The following ABHD13 variants were observed in gnomAD, a reference collection of about 807,000 sequenced individuals.
The protein encoded by ABHD13 is abhydrolase domain containing 13, also known as protein ABHD13.
A neutral mutation model predicts 25.2 loss-of-function variants in ABHD13; 7 were observed. The ratio of observed to expected loss-of-function variants is 0.28; its 90% CI spans 0.16 to 0.52. The LOEUF (loss-of-function observed/expected upper bound fraction) is 0.52. ABHD13 is among the 20% of genes least tolerant of loss of function. The probability of loss-of-function intolerance (pLI) is 0.96; values close to 1 mark genes in which losing one functional copy is unlikely to be tolerated. For synonymous variants in ABHD13, 133 were observed against 136.1 expected, an observed-to-expected ratio of 0.98 and a Z score of 0.16; for missense variants, 302 against 402.7, an observed-to-expected ratio of 0.75 and a Z score of 2.14.
At position 108,233,563 on chromosome 13, in the gene ABHD13, C is replaced by CA. The variant is rs1879855522; in HGVS notation, c.*3332dup. ...AAAAACTGTGAGAGGAAAAATTAGT[C>CA]ATAACCCTTTTGGGTTATCCACTTA... is the stretch of plus-strand genomic sequence containing the variant. On this transcript the variant is annotated 3_prime_UTR_variant, in exon 2 of 2. Transcript: ENST00000375898. 1 of 166,618 alleles carries CA rather than the reference C, an allele frequency of 6.0e-6. No individual in the cohort carries two copies. The highest frequency in any genetic ancestry group is 2.4e-5 in the African/African-American group (1 of 41,376). 10.3% of individuals were successfully genotyped at this position (166,618 alleles called of 1,614,324 possible).
chr13:108,223,023 T>C (rs141039327), intron 1 of ABHD13, among the ~76,000 whole-genome samples: 94 of 152,384 alleles, frequency 6.2e-4, no homozygotes, highest in African/African-American at 2.2e-3. Flanking sequence ...AGGTCAGTTA[T>C]ATTGTGCCAT....
At chr13:108,219,338 A>G (rs1259513691) in intron 1 of ABHD13, among the ~76,000 whole-genome samples, 1 of 152,200 alleles carries the variant, frequency 6.6e-6, no homozygotes, top group East Asian at 1.9e-4. Flanking sequence ...AACCAAAAAA[A>G]AGTCCGTCCC....
rs538485431 is a variant in ABHD13, at chr13:108,231,820, C to T, written c.*1588C>T. On this transcript the variant is annotated 3_prime_UTR_variant, in exon 2 of 2. Coordinates refer to ENST00000375898, the MANE Select transcript of ABHD13 (RefSeq NM_032859.3). ...AATAGCATTCTTATTCACTTTATGCCGGTATTTAGAAAAAATAAATTATAG... is the reference window on the plus strand; with the variant it reads ...AATAGCATTCTTATTCACTTTATGCTGGTATTTAGAAAAAATAAATTATAG... 7.2e-5 allele frequency: 12 copies of T among 166,444 alleles called. No individual in the cohort carries two copies. Among genetic ancestry groups the T allele is most frequent in the East Asian group, 5.8e-4 (3 of 5,156 alleles). 10.3% of individuals were successfully genotyped at this position (166,444 alleles called of 1,614,324 possible).
chr13:108,230,454 G>T lies in ABHD13; in HGVS notation c.*222G>T. 2.1e-6 allele frequency: 1 copy of T among 466,402 alleles called. No homozygotes were observed. Among genetic ancestry groups the T allele is most frequent in the Non-Finnish European group, 3.9e-6 (1 of 253,962 alleles). 28.9% of individuals were successfully genotyped at this position (466,402 alleles called of 1,614,324 possible). On this transcript the variant is annotated 3_prime_UTR_variant, in exon 2 of 2. Transcript: ENST00000375898. ...TCATCAAAACTTTCAGTGTGATTAT[G>T]TATTCATATCTTCAGTTTAATATGT... is the stretch of plus-strand genomic sequence containing the variant.
rs78222662 is a variant in ABHD13 at position 108,224,570 on chromosome 13, C to T, written c.-20-4629C>T. On this transcript the variant is annotated intron_variant, in intron 1 of 1. Transcript: ENST00000375898. Reference sequence around the variant, plus strand: ...AACCATTCGTGATCCTATATGAACACAGGAGATGATTAGTAGACATCAGAG... The same window carrying T: ...AACCATTCGTGATCCTATATGAACATAGGAGATGATTAGTAGACATCAGAG... Among the ~76,000 whole-genome samples, 511 of 152,232 alleles carry T rather than the reference C, an allele frequency of 3.4e-3. 1 individual carries two copies. The highest frequency in any genetic ancestry group is 0.012 in the African/African-American group (496 of 41,532).
Position 108,229,216 on chromosome 13 carries a change from A to G in ABHD13, c.-3A>G, listed in dbSNP as rs1393150791. 4.5e-6 allele frequency: 7 copies of G among 1,539,322 alleles called. No individual in the cohort carries two copies. The highest frequency in any genetic ancestry group is 2.6e-5 in the South Asian group (2 of 75,540). On this transcript the variant is annotated 5_prime_UTR_variant, in exon 2 of 2. Coordinates refer to ENST00000375898, the MANE Select transcript of ABHD13 (RefSeq NM_032859.3). The surrounding 1 kb of genome is among the most constrained non-coding windows in gnomAD (Gnocchi z 4.7). ...CTCTCTAGGATACTTACAGAGAGCT[A>G]CAATGGAAAAGTCCTGGATGCTGTG...
At chr13:108,221,271 A>C (rs1879562455) in intron 1 of ABHD13, among the ~76,000 whole-genome samples, 2 of 152,232 alleles carry the variant, frequency 1.3e-5, no homozygotes, top group African/African-American at 4.8e-5. Flanking sequence ...GGAAATAGAT[A>C]ATTCATTCTG....
chr13:108,231,148 A>C lies in ABHD13; in HGVS notation c.*916A>C, dbSNP rs1291466659. ...AAATTAGGAAGTCTTTTATCATTGCAGGATTGTACATACTACTTTATAAAA... is the reference window on the plus strand; with the variant it reads ...AAATTAGGAAGTCTTTTATCATTGCCGGATTGTACATACTACTTTATAAAA... On this transcript the variant is annotated 3_prime_UTR_variant, in exon 2 of 2. Transcript: ENST00000375898. 1 of 166,688 alleles carries C rather than the reference A, an allele frequency of 6.0e-6. No individual in the cohort carries two copies. Among genetic ancestry groups the C allele is most frequent in the East Asian group, 1.9e-4 (1 of 5,198 alleles). The allele number at this position is 166,688 out of a possible 1,614,324, so 10.3% of individuals were successfully genotyped here. A position where few individuals can be genotyped will look rare whatever the true frequency, so the allele number is the denominator to read the frequency against.
Position 108,229,313 on chromosome 13 carries a change from C to T in ABHD13, c.95C>T (p.Pro32Leu), listed in dbSNP as rs1259799309. The T allele has an allele frequency of 3.1e-6, 5 of 1,611,974 alleles. No homozygotes were observed. Among genetic ancestry groups the T allele is most frequent in the South Asian group, 1.1e-5 (1 of 90,832 alleles). Residue 32 changes from proline to leucine, a missense_variant, in exon 2 of 2, where the codon CCT (proline) becomes CTT (leucine). Coordinates refer to ENST00000375898, the MANE Select transcript of ABHD13 (RefSeq NM_032859.3). This position sits in a 1 kb window ranked among gnomAD's most constrained non-coding sequence, Gnocchi z 4.7. Reference protein sequence around the residue: ...SWALCRISLLPLIVTFHLYGG... With the variant: ...SWALCRISLLLLIVTFHLYGG... ...GCTCTCTGCCGTATTTCTCTTTTAC[C>T]TTTAATAGTGACTTTTCATCTGTAT... is the stretch of plus-strand genomic sequence containing the variant.
chr13:108,230,041 AT>A lies in ABHD13; in HGVS notation c.824del (p.Met275ArgfsTer2), dbSNP rs1370987018. On this transcript the variant is annotated frameshift_variant, in exon 2 of 2. Transcript: ENST00000375898. LOFTEE classifies it high-confidence loss of function. Reference sequence around the variant, plus strand: ...CTCAGATCAATTAATTCCACCAGTAATGATGAAACAACTTTATGAACTCTCC... The same window carrying A: ...CTCAGATCAATTAATTCCACCAGTAAGATGAAACAACTTTATGAACTCTCC... ...GLSDQLIPPV[M>X]MKQLYELSPS... 1 of 1,613,088 alleles carries A rather than the reference AT, an allele frequency of 6.2e-7. No individual in the cohort carries two copies. The highest frequency in any genetic ancestry group is 8.5e-7 in the Non-Finnish European group (1 of 1,179,384).
At chr13:108,225,225 G>C (rs1371566428) in intron 1 of ABHD13, among the ~76,000 whole-genome samples, 1 of 152,164 alleles carries the variant, frequency 6.6e-6, no homozygotes, top group Non-Finnish European at 1.5e-5. Context: ...GATGTGTTTA[G>C]TTTTGGATAA....
At chr13:108,226,589 C>G (rs1462159280) in intron 1 of ABHD13, among the ~76,000 whole-genome samples, 1 of 152,128 alleles carries the variant, frequency 6.6e-6, no homozygotes, top group Non-Finnish European at 1.5e-5. Flanking sequence ...TAACCGTTTA[C>G]TCACACTAAT....
Position 108,229,979 on chromosome 13 carries a change from C to CT in ABHD13, c.762dup (p.Gln255SerfsTer3). ...AAATTTTTGTCCTACAGAAAAATCT[C>CT]TCAGTGTAGAATGCCTTCACTTTTC... On this transcript the variant is annotated frameshift_variant, in exon 2 of 2. Coordinates refer to ENST00000375898, the MANE Select transcript of ABHD13 (RefSeq NM_032859.3). LOFTEE classifies it high-confidence loss of function. The surrounding 1 kb of genome is among the most constrained non-coding windows in gnomAD (Gnocchi z 4.7). The CT allele has an allele frequency of 6.2e-7, 1 of 1,613,240 alleles. No homozygotes were observed.
chr13:108,222,054 A>G (rs901138064), intron 1 of ABHD13, among the ~76,000 whole-genome samples: 8 of 151,954 alleles, frequency 5.3e-5, no homozygotes, highest in African/African-American at 1.9e-4. Flanking sequence ...TGCCCGGACT[A>G]GTCTCAAACT....
chr13:108,225,031 A>G (rs963845583), intron 1 of ABHD13, among the ~76,000 whole-genome samples: 2 of 152,058 alleles, frequency 1.3e-5, no homozygotes, highest in Non-Finnish European at 1.5e-5. Flanking sequence ...TAGAAAGCAC[A>G]AAAGTTGTTT....
chr13:108,220,547 G>A (rs1879546286), intron 1 of ABHD13, among the ~76,000 whole-genome samples: 1 of 152,068 alleles, frequency 6.6e-6, no homozygotes, highest in Non-Finnish European at 1.5e-5. Context: ...TTTTCGTGTG[G>A]ACTTAAAAGA....
At chr13:108,225,370 C>T (rs1879653376) in intron 1 of ABHD13, among the ~76,000 whole-genome samples, 1 of 152,036 alleles carries the variant, frequency 6.6e-6, no homozygotes, top group Non-Finnish European at 1.5e-5. Flanking sequence ...AATGAAATCA[C>T]TGAGGGAAAG....
rs1438538453 is a variant in ABHD13, at chr13:108,232,694, C to T, written c.*2462C>T. 6.0e-6 allele frequency: 1 copy of T among 166,652 alleles called. No homozygotes were observed. Among genetic ancestry groups the T allele is most frequent in the Non-Finnish European group, 1.5e-5 (1 of 67,980 alleles). The allele number at this position is 166,652 out of a possible 1,614,324, so 10.3% of individuals were successfully genotyped here. ...AAAAGAACTTTAAGTTATTAAGTTA[C>T]TATAAATTTGGGGATCCTAGAGTGA... is the stretch of plus-strand genomic sequence containing the variant. On this transcript the variant is annotated 3_prime_UTR_variant, in exon 2 of 2. Transcript: ENST00000375898.
At position 108,232,337 on chromosome 13, in the gene ABHD13, C is replaced by T. The variant is rs976572390; in HGVS notation, c.*2105C>T. 2 of 166,876 alleles carry T rather than the reference C, an allele frequency of 1.2e-5. No homozygotes were observed. Among genetic ancestry groups the T allele is most frequent in the African/African-American group, 4.8e-5 (2 of 41,432 alleles). The allele number at this position is 166,876 out of a possible 1,614,324, so 10.3% of individuals were successfully genotyped here. A position where few individuals can be genotyped will look rare whatever the true frequency, so the allele number is the denominator to read the frequency against. On this transcript the variant is annotated 3_prime_UTR_variant, in exon 2 of 2. Transcript: ENST00000375898. ...TTGTTTGGCGTTCCCTACCTTCATT[C>T]TCTTAGGGTTAAGGAGCCTTTCTTT...
Sources: allele counts gnomAD v4.1 joint callset (sites outside exome capture counted in the v4.1 genomes callset), GRCh38; gene constraint gnomAD v4.1.1; non-coding constraint Gnocchi (gnomAD v3.1); transcripts MANE v1.5; gene names NCBI Gene and HGNC (gene_info 2026-07-23, HGNC 2026-07-21).